Variants in SLC1A2 observed in about 807,000 individuals in gnomAD.
SLC1A2 encodes solute carrier family 1 member 2.
SLC1A2 carries 15 observed loss-of-function variants against 48.8 expected under a neutral mutation model. That is an observed-to-expected ratio of 0.31 (90% CI 0.21 to 0.47). SLC1A2 has a LOEUF of 0.47. Among genes scored for constraint, SLC1A2 ranks in the 20% least tolerant of loss-of-function variants. The pLI is 0.99. For synonymous variants in SLC1A2, 279 were observed against 272.6 expected, an observed-to-expected ratio of 1.02 and a Z score of -0.23; for missense variants, 502 against 730.5, an observed-to-expected ratio of 0.69 and a Z score of 3.61.
chr11:35,377,566 T>C (rs930649397), intron 1 of SLC1A2, among the ~76,000 whole-genome samples: 24 of 152,198 alleles, frequency 1.6e-4, no homozygotes, highest in Admixed American at 2.6e-4. Flanking sequence ...AGTGGCTATG[T>C]CAGAACTTAA....
intron 8 of SLC1A2, among the ~76,000 whole-genome samples, chr11:35,284,893 C>T (rs1018926846): frequency 5.3e-5 from 8 of 152,196 alleles, no homozygotes; most frequent in Non-Finnish European, 8.8e-5. Context: ...GTAGAGACAT[C>T]AGACCCAAAT....
At chr11:35,299,075 C>G (rs539341340) in intron 6 of SLC1A2, 1 of 152,208 alleles carries the variant, frequency 6.6e-6, no homozygotes, top group Admixed American at 6.5e-5. Context: ...TGCGGTGGCT[C>G]ATGCCTGTAA....
intron 1 of SLC1A2, among the ~76,000 whole-genome samples, chr11:35,358,022 A>G (rs1166114375): frequency 6.6e-6 from 1 of 151,926 alleles, no homozygotes; most frequent in African/African-American, 2.4e-5. Flanking sequence ...GCAGGTGGCT[A>G]TAGCCCCAGC....
chr11:35,309,288 T>C (rs1168189583), intron 4 of SLC1A2, among the ~76,000 whole-genome samples: 1 of 152,034 alleles, frequency 6.6e-6, no homozygotes, highest in East Asian at 1.9e-4. Context: ...TCCTCATCTG[T>C]CTCCTCCCCC....
At chr11:35,310,878 G>C (rs1364763730) in intron 4 of SLC1A2, among the ~76,000 whole-genome samples, 2 of 152,118 alleles carry the variant, frequency 1.3e-5, no homozygotes, top group African/African-American at 4.8e-5. Context: ...TATGCAGCAA[G>C]CAAGAGTATA....
At chr11:35,262,310 T>A (rs1016530208) in intron 10 of SLC1A2, among the ~76,000 whole-genome samples, 2 of 152,204 alleles carry the variant, frequency 1.3e-5, no homozygotes, top group Non-Finnish European at 2.9e-5. Context: ...CAGACAGCAC[T>A]TGGGGGGAAG....
intron 9 of SLC1A2, among the ~76,000 whole-genome samples, chr11:35,271,000 G>A (rs961034064): frequency 4.6e-5 from 7 of 152,210 alleles, no homozygotes; most frequent in African/African-American, 1.7e-4. Flanking sequence ...GCCTGAAAGA[G>A]TGAAATCCAG....
At chr11:35,289,966 C>T (rs61882290) in intron 7 of SLC1A2, among the ~76,000 whole-genome samples, 33,615 of 151,938 alleles carry the variant, frequency 0.22, 3,857 homozygotes, top group Admixed American at 0.28. Flanking sequence ...GAACAATTCA[C>T]AAGGCAGGCG....
At position 35,252,397 on chromosome 11, in the gene SLC1A2, C is replaced by G. The variant is rs1424058568; in HGVS notation, c.*8497G>C. The G allele has an allele frequency of 3.5e-4, 54 of 152,144 alleles. No individual in the cohort carries two copies. Among genetic ancestry groups the G allele is most frequent in the Admixed American group, 3.5e-3 (53 of 15,264 alleles). 9.4% of individuals were successfully genotyped at this position (152,144 alleles called of 1,614,324 possible). The stretch of plus-strand genomic sequence containing the variant: ...GCCCAATCCACCAAGCAAAGGAGGA[C>G]TGTAGATGGATGTTCTCATTCTAAA... On this transcript the variant is annotated 3_prime_UTR_variant, in exon 11 of 11. Coordinates refer to ENST00000278379, the MANE Select transcript of SLC1A2 (RefSeq NM_004171.4).
At chr11:35,405,055 C>CAGGACTCGCGCTGTG (rs1855243739) in intron 1 of SLC1A2, among the ~76,000 whole-genome samples, 1 of 151,184 alleles carries the variant, frequency 6.6e-6, no homozygotes, top group South Asian at 2.1e-4. Flanking sequence ...CATCCAATCA[C>CAGGACTCGCGCTGTG]AGGACTCGCA....
At chr11:35,320,922 G>A (rs943419289) in intron 1 of SLC1A2, among the ~76,000 whole-genome samples, 2 of 152,178 alleles carry the variant, frequency 1.3e-5, no homozygotes, top group African/African-American at 4.8e-5. Context: ...AGTGCTCAGA[G>A]GGGGGTTGTA....
intron 1 of SLC1A2, among the ~76,000 whole-genome samples, chr11:35,405,620 T>C (rs1855264928): frequency 1.3e-5 from 2 of 152,234 alleles, no homozygotes; most frequent in South Asian, 4.1e-4. Context: ...GATTCTTTTC[T>C]GATGAAATTT....
In SLC1A2 at chr11:35,265,403, A is replaced by G. The variant is rs1280056386; in HGVS notation, c.1653+124T>C. The G allele has an allele frequency of 4.1e-5, 26 of 633,490 alleles. No homozygotes were observed. In the South Asian group the frequency reaches 4.4e-4, roughly 11 times the overall value. 39.2% of individuals were successfully genotyped at this position (633,490 alleles called of 1,614,324 possible). A position where few individuals can be genotyped will look rare whatever the true frequency, so the allele number is the denominator to read the frequency against. ...TGGGACTCACAGAAGCTTGGGTTAC[A>G]TGATTCTTTAGGAAAATAAATGTGA... On this transcript the variant is annotated intron_variant, in intron 10 of 10. Transcript: ENST00000278379.
chr11:35,301,174 G>A (rs1418893404), intron 6 of SLC1A2, among the ~76,000 whole-genome samples: 4 of 152,144 alleles, frequency 2.6e-5, no homozygotes, highest in Non-Finnish European at 5.9e-5. Context: ...CCAGCCTCCA[G>A]AACCATAAGA....
rs1381822167 is a variant in SLC1A2 at position 35,306,216 on chromosome 11, C to A, written c.588G>T (p.Leu196=). 2 of 1,613,542 alleles carry A rather than the reference C, an allele frequency of 1.2e-6. No individual in the cohort carries two copies. Among genetic ancestry groups the A allele is most frequent in the Admixed American group, 1.7e-5 (1 of 59,982 alleles). The change falls in exon 5 of 11, where the codon CTG becomes CTT. Residue 196 remains leucine, a synonymous_variant. Transcript: ENST00000278379. ...QQIQTVTKKV[L]VAPPPDEEAN... ...CCTCCTCGTCCGGCGGTGGTGCAAC[C>A]AGGACTTTCTTCGTCACTGTTTGAA...
chr11:35,339,796 T>C (rs188774273), intron 1 of SLC1A2, among the ~76,000 whole-genome samples: 116 of 152,264 alleles, frequency 7.6e-4, no homozygotes, highest in African/African-American at 2.7e-3. Context: ...TCACAGAATA[T>C]TGCTGAGAGT....
At chr11:35,266,961 A>G (rs1047907450) in intron 9 of SLC1A2, among the ~76,000 whole-genome samples, 1 of 152,226 alleles carries the variant, frequency 6.6e-6, no homozygotes, top group African/African-American at 2.4e-5. Context: ...TGCAAGGTAT[A>G]AGCTGGTGGT....
chr11:35,380,504 T>A, intron 1 of SLC1A2: 1 of 398,398 alleles, frequency 2.5e-6, no homozygotes, highest in Non-Finnish European at 4.4e-6. Context: ...TGGATTGGTC[T>A]GATCTCTCGA....
chr11:35,335,768 A>G lies in SLC1A2; in HGVS notation c.18-18252T>C, dbSNP rs553080260. ...ACTTGAGGCCAGGAGTTCAAGACCA[A>G]CCTGAGCAACATGGTGAAACCCTGT... On this transcript the variant is annotated intron_variant, in intron 1 of 10. Transcript: ENST00000278379. Among the ~76,000 whole-genome samples, 15 of 152,254 alleles carry G rather than the reference A, an allele frequency of 9.9e-5. No homozygotes were observed. The South Asian group carries it at 2.1e-3, about 21-fold the overall frequency.
Sources: allele counts gnomAD v4.1 joint callset (sites outside exome capture counted in the v4.1 genomes callset), GRCh38; gene constraint gnomAD v4.1.1; transcripts MANE v1.5; gene names NCBI Gene and HGNC (gene_info 2026-07-23, HGNC 2026-07-21).